Variants in GALNT18 observed in about 807,000 individuals in gnomAD.
GALNT18 encodes the protein polypeptide N-acetylgalactosaminyltransferase 18.
GALNT18 carries 44 observed loss-of-function variants against 69.5 expected under a neutral mutation model. That is an observed-to-expected ratio of 0.63 (90% confidence interval 0.50 to 0.81). The LOEUF is 0.81. GALNT18 is among the 40% of genes least tolerant of loss of function. GALNT18 has a pLI of 0.00. For synonymous variants in GALNT18, 364 were observed against 318.2 expected (o/e 1.14, Z -1.53); for missense variants, 715 against 810.0 (o/e 0.88, Z 1.42).
chr11:11,531,582 G>A lies in GALNT18; in HGVS notation c.236-82646C>T, dbSNP rs907548554. Reference sequence around the variant, plus strand: ...GGAAGCCATCCATAGGGGATCACAGGGTAGCAGAGTGGTCAGGGTATTTCT... The same window carrying A: ...GGAAGCCATCCATAGGGGATCACAGAGTAGCAGAGTGGTCAGGGTATTTCT... On this transcript the variant is annotated intron_variant, in intron 1 of 10. Transcript: ENST00000227756. Among the ~76,000 whole-genome samples the A allele has an allele frequency of 2.6e-5, 4 of 152,214 alleles. No individual in the cohort carries two copies. The East Asian group carries it at 7.7e-4, about 29-fold the overall frequency.
chr11:11,593,732 C>T (rs1859418788), intron 1 of GALNT18, among the ~76,000 whole-genome samples: 1 of 152,192 alleles, frequency 6.6e-6, no homozygotes, highest in Admixed American at 6.5e-5. Context: ...AGTTTGAGAC[C>T]AGCCTGGGTA....
At chr11:11,313,186 G>A (rs11021787) in intron 9 of GALNT18, among the ~76,000 whole-genome samples, 13,731 of 152,186 alleles carry the variant, frequency 0.09, 789 homozygotes, top group Non-Finnish European at 0.13. Flanking sequence ...ATATCTCCCA[G>A]TGGGGAGATG....
rs147427832 is a variant in GALNT18, at chr11:11,365,711, T to C, written c.1092+6804A>G. 6.8e-4 allele frequency among the ~76,000 whole-genome samples: 103 copies of C among 152,338 alleles called. 1 individual carries two copies. In the East Asian group the frequency reaches 0.017, roughly 26 times the overall value. ...ACTGGTGTGAGATGGTATCTCATTG[T>C]GGTTTTGATTTGCATTTCAATAGAG... On this transcript the variant is annotated intron_variant, in intron 6 of 10. Transcript: ENST00000227756.
chr11:11,271,295 G>A lies in GALNT18; in HGVS notation c.1678-5C>T, dbSNP rs538287014. On this transcript the variant is annotated splice_polypyrimidine_tract_variant and splice_region_variant and intron_variant, in intron 10 of 10. Coordinates refer to ENST00000227756, the MANE Select transcript of GALNT18 (RefSeq NM_198516.3). Reference sequence around the variant, plus strand: ...GCGGTTCTGGATGGGTCCTCCCTAGGGGCCAGGGCAGACAGTGGGGTCAGA... The same window carrying A: ...GCGGTTCTGGATGGGTCCTCCCTAGAGGCCAGGGCAGACAGTGGGGTCAGA... 6.2e-7 allele frequency: 1 copy of A among 1,612,468 alleles called. No individual in the cohort carries two copies. The highest frequency in any genetic ancestry group is 1.3e-5 in the African/African-American group (1 of 75,014).
At chr11:11,321,369 C>T (rs892492172) in intron 9 of GALNT18, among the ~76,000 whole-genome samples, 1 of 152,080 alleles carries the variant, frequency 6.6e-6, no homozygotes, top group Non-Finnish European at 1.5e-5. Flanking sequence ...ACAGTGTATA[C>T]AAAGTTAAGA....
intron 10 of GALNT18, among the ~76,000 whole-genome samples, chr11:11,273,319 C>T (rs753211340): frequency 1.3e-4 from 20 of 152,102 alleles, no homozygotes; most frequent in Non-Finnish European, 2.9e-4. Context: ...GGATTAATAA[C>T]CAAGATACAT....
chr11:11,343,113 G>C (rs1017932), intron 6 of GALNT18, among the ~76,000 whole-genome samples: 3 of 151,832 alleles, frequency 2.0e-5, no homozygotes, highest in Non-Finnish European at 2.9e-5. Context: ...GGAGGCTGAG[G>C]TGGGTGGATC....
intron 3 of GALNT18, among the ~76,000 whole-genome samples, chr11:11,428,280 C>T (rs1327607937): frequency 1.3e-5 from 2 of 152,248 alleles, no homozygotes; most frequent in Non-Finnish European, 2.9e-5. Context: ...GGGGCCACGT[C>T]CTCCAGGAGC....
intron 1 of GALNT18, among the ~76,000 whole-genome samples, chr11:11,572,531 C>A (rs1858817636): frequency 6.6e-6 from 1 of 152,128 alleles, no homozygotes; most frequent in Admixed American, 6.5e-5. Flanking sequence ...GAGTCAGGGC[C>A]CTGGCTCCGC....
rs145696297 is a variant in GALNT18 at position 11,326,333 on chromosome 11, C to T, written c.1512+753G>A. 8.9e-4 allele frequency among the ~76,000 whole-genome samples: 136 copies of T among 152,226 alleles called. 1 individual carries two copies. In the East Asian group the frequency reaches 0.017, roughly 19 times the overall value. ...TGCTGAGATTACAGGTGTGAGCCACCGTGCCTGGCCTAAAACATCTTTTTA... is the reference window on the plus strand; with the variant it reads ...TGCTGAGATTACAGGTGTGAGCCACTGTGCCTGGCCTAAAACATCTTTTTA... On this transcript the variant is annotated intron_variant, in intron 9 of 10. Coordinates refer to ENST00000227756, the MANE Select transcript of GALNT18 (RefSeq NM_198516.3).
At chr11:11,493,567 G>C (rs948415332) in intron 1 of GALNT18, among the ~76,000 whole-genome samples, 1 of 152,176 alleles carries the variant, frequency 6.6e-6, no homozygotes, top group South Asian at 2.1e-4. Context: ...TGAGTGTGTA[G>C]TAAGTCTCCA....
intron 1 of GALNT18, among the ~76,000 whole-genome samples, chr11:11,529,638 T>TACAC (rs765431311): frequency 0.015 from 1,105 of 72,914 alleles, 18 homozygotes; most frequent in African/African-American, 0.058. Flanking sequence ...TATATATATA[T>TACAC]ACACACACAC....
At chr11:11,489,848 T>C (rs184056367) in intron 1 of GALNT18, among the ~76,000 whole-genome samples, 2 of 152,296 alleles carry the variant, frequency 1.3e-5, no homozygotes, top group Non-Finnish European at 2.9e-5. Flanking sequence ...AAAGTTTATA[T>C]TAAACAATCT....
intron 6 of GALNT18, among the ~76,000 whole-genome samples, chr11:11,342,980 C>T (rs552976196): frequency 3.0e-4 from 46 of 152,050 alleles, no homozygotes; most frequent in Non-Finnish European, 5.3e-4. Context: ...TCAAGCTGAA[C>T]AGCAGAATCT....
intron 2 of GALNT18, among the ~76,000 whole-genome samples, chr11:11,433,149 C>T (rs756392628): frequency 2.0e-5 from 3 of 152,224 alleles, no homozygotes; most frequent in South Asian, 4.1e-4. Context: ...AAAGTAAATT[C>T]GTAGTATTTC....
chr11:11,618,016 G>T lies in GALNT18; in HGVS notation c.235+3343C>A, dbSNP rs1250955243. ...AAAACTGCAATTTACATTCCCAAGA[G>T]ATTCCCAAACACCATCTAATTAAAT... On this transcript the variant is annotated intron_variant, in intron 1 of 10. Transcript: ENST00000227756. This position sits in a 1 kb window ranked among gnomAD's most constrained non-coding sequence, Gnocchi z 6.1. Among the ~76,000 whole-genome samples, 1 of 152,106 alleles carries T rather than the reference G, an allele frequency of 6.6e-6. No individual in the cohort carries two copies. Among genetic ancestry groups the T allele is most frequent in the Non-Finnish European group, 1.5e-5 (1 of 68,032 alleles).
At chr11:11,388,194 A>G (rs1183235321) in intron 3 of GALNT18, among the ~76,000 whole-genome samples, 1 of 152,160 alleles carries the variant, frequency 6.6e-6, no homozygotes, top group Non-Finnish European at 1.5e-5. Context: ...TCTGTTTTAA[A>G]GTCTACTCTT....
At chr11:11,374,283 T>G (rs1038348469) in intron 5 of GALNT18, among the ~76,000 whole-genome samples, 36 of 152,148 alleles carry the variant, frequency 2.4e-4, no homozygotes, top group African/African-American at 7.7e-4. Context: ...TCTCTGAGCC[T>G]CCGATTCCAT....
chr11:11,449,048 TC>T, intron 1 of GALNT18, 112 bp from the exon 2 acceptor site: 1 of 894,594 alleles, frequency 1.1e-6, no homozygotes, highest in Non-Finnish European at 1.6e-6. Context: ...CTTAGCCCCT[TC>T]TTTCGGGGTC....
Sources: allele counts gnomAD v4.1 joint callset (sites outside exome capture counted in the v4.1 genomes callset), GRCh38; gene constraint gnomAD v4.1.1; non-coding constraint Gnocchi (gnomAD v3.1); transcripts MANE v1.5; gene names NCBI Gene and HGNC (gene_info 2026-07-23, HGNC 2026-07-21).